Variants in ASPH observed in about 807,000 individuals in gnomAD.
ASPH encodes aspartyl/asparaginyl beta-hydroxylase.
A neutral mutation model predicts 118.4 loss-of-function variants in ASPH; 100 were observed. The ratio of observed to expected loss-of-function variants is 0.84; its 90% CI spans 0.72 to 1.00. The LOEUF (loss-of-function observed/expected upper bound fraction) is 1.00, where lower values mean the gene tolerates loss of function less well. Ranked by LOEUF, ASPH falls within the 50% of genes least tolerant of loss-of-function variation. The pLI, the probability that ASPH is intolerant of heterozygous loss-of-function variation, is 0.00. For missense variants in ASPH, 920 were observed against 919.5 expected (o/e 1.00, Z -0.01); for synonymous variants, 315 against 325.6 (o/e 0.97, Z 0.35).
rs568849946 is a variant in ASPH, at chr8:61,544,661, T to C, written c.1764+3410A>G. ...AAGAAATGCTCAGTAGTAACATTTT[T>C]AAATCCCTGGAGCTTCTAACATATT... On this transcript the variant is annotated intron_variant, in intron 21 of 24. Coordinates refer to ENST00000379454, the MANE Select transcript of ASPH (RefSeq NM_004318.4). 2.6e-5 allele frequency among the ~76,000 whole-genome samples: 4 copies of C among 152,314 alleles called. No homozygotes were observed. In the East Asian group the frequency reaches 7.7e-4, roughly 29 times the overall value.
At chr8:61,613,416 C>T (rs1227359900) in intron 14 of ASPH, among the ~76,000 whole-genome samples, 2 of 152,180 alleles carry the variant, frequency 1.3e-5, no homozygotes, top group Non-Finnish European at 2.9e-5. Context: ...TATATCTATA[C>T]ACATACACCA....
In ASPH at chr8:61,518,958, T is replaced by A. The variant is rs1437576335; in HGVS notation, c.1901-835A>T. On this transcript the variant is annotated intron_variant, in intron 22 of 24. Coordinates refer to ENST00000379454, the MANE Select transcript of ASPH (RefSeq NM_004318.4). ...GACCACTTTTCACCGTGATATGCAA[T>A]TTACCAGAGAGAGGAACTGCTCACA... 2.0e-5 allele frequency among the ~76,000 whole-genome samples: 3 copies of A among 152,314 alleles called. No homozygotes were observed. The East Asian group carries it at 5.8e-4, about 29-fold the overall frequency.
chr8:61,645,219 T>A lies in ASPH; in HGVS notation c.620-587A>T, dbSNP rs956922498. Among the ~76,000 whole-genome samples the A allele has an allele frequency of 3.3e-5, 5 of 152,200 alleles. 1 individual carries two copies. The highest frequency in any genetic ancestry group is 1.2e-4 in the African/African-American group (5 of 41,446). On this transcript the variant is annotated intron_variant, in intron 6 of 24. Transcript: ENST00000379454. The stretch of plus-strand genomic sequence containing the variant: ...CTGAAGACTTTTAACAACCAACTTT[T>A]AAGTTCAAACTGCATCTATGTCCTA...
chr8:61,510,756 TGTTACTATTCAACAACA>T (rs1808533138), intron 24 of ASPH, among the ~76,000 whole-genome samples: 1 of 152,088 alleles, frequency 6.6e-6, no homozygotes, highest in African/African-American at 2.4e-5. Context: ...GAGGAAAAAA[TGTTACTATTCAACAACA>T]AACCTTCAGG....
At chr8:61,631,026 T>C (rs1022285336) in intron 13 of ASPH, among the ~76,000 whole-genome samples, 2 of 152,112 alleles carry the variant, frequency 1.3e-5, no homozygotes, top group African/African-American at 4.8e-5. Flanking sequence ...CAAAAAAGTT[T>C]AAAAAGTTAA....
chr8:61,576,898 A>C (rs375490820), intron 15 of ASPH, 40 bp from the exon 16 acceptor site: 4 of 1,493,922 alleles, frequency 2.7e-6, no homozygotes, highest in East Asian at 2.4e-5. Flanking sequence ...AATAAATTAA[A>C]ATGAATAATC....
chr8:61,613,905 C>T (rs1400927973), intron 14 of ASPH, among the ~76,000 whole-genome samples: 5 of 152,116 alleles, frequency 3.3e-5, no homozygotes, highest in Non-Finnish European at 7.4e-5. Context: ...AATAAGAAAA[C>T]TGAATGACAC....
intron 21 of ASPH, among the ~76,000 whole-genome samples, chr8:61,531,976 A>G (rs1817742298): frequency 6.6e-6 from 1 of 152,212 alleles, no homozygotes; most frequent in African/African-American, 2.4e-5. Context: ...TCTTGACTAT[A>G]GTAAATAATG....
intron 20 of ASPH, 30 bp downstream of exon 20, chr8:61,553,001 G>T: frequency 6.6e-7 from 1 of 1,510,500 alleles, no homozygotes; most frequent in Non-Finnish European, 9.2e-7. Flanking sequence ...TCCTCTGTTA[G>T]AGAGAATCAG....
chr8:61,609,222 G>A lies in ASPH; in HGVS notation c.976+9756C>T, dbSNP rs146360246. On this transcript the variant is annotated intron_variant, in intron 14 of 24. Coordinates refer to ENST00000379454, the MANE Select transcript of ASPH (RefSeq NM_004318.4). Reference sequence around the variant, plus strand: ...GCTTTCTGTGCTATTCCAGTACTTTGAGGATCCAATGCTACCCCTCCACGT... The same window carrying A: ...GCTTTCTGTGCTATTCCAGTACTTTAAGGATCCAATGCTACCCCTCCACGT... Among the ~76,000 whole-genome samples the A allele has an allele frequency of 1.9e-3, 294 of 152,260 alleles. 1 individual carries two copies. Among genetic ancestry groups the A allele is most frequent in the African/African-American group, 6.5e-3 (272 of 41,554 alleles).
At chr8:61,564,179 T>G (rs1021871400) in intron 17 of ASPH, among the ~76,000 whole-genome samples, 1 of 152,122 alleles carries the variant, frequency 6.6e-6, no homozygotes, top group Non-Finnish European at 1.5e-5. Flanking sequence ...AAATCAATAT[T>G]AATGTAAAAC....
At chr8:61,529,369 C>G (rs1816709551) in intron 21 of ASPH, among the ~76,000 whole-genome samples, 1 of 152,190 alleles carries the variant, frequency 6.6e-6, no homozygotes, top group Non-Finnish European at 1.5e-5. Flanking sequence ...AACATGCTCC[C>G]TGGTGAGCGC....
chr8:61,682,188 T>G (rs1214411018), intron 2 of ASPH, among the ~76,000 whole-genome samples: 2 of 151,916 alleles, frequency 1.3e-5, no homozygotes, highest in African/African-American at 4.8e-5. Context: ...TTAAAATGAT[T>G]ATGATGAAAG....
At chr8:61,553,567 C>A (rs1289142411) in intron 19 of ASPH, among the ~76,000 whole-genome samples, 3 of 151,210 alleles carry the variant, frequency 2.0e-5, no homozygotes, top group Non-Finnish European at 4.4e-5. Flanking sequence ...TTATTTCTTT[C>A]CATTCAAAAC....
chr8:61,663,794 T>C, intron 3 of ASPH: 2 of 979,504 alleles, frequency 2.0e-6, no homozygotes, highest in Non-Finnish European at 2.4e-6. Flanking sequence ...TGTATAATTC[T>C]ATTGAGTTGA....
intron 21 of ASPH, among the ~76,000 whole-genome samples, chr8:61,529,938 CTT>C (rs1342289214): frequency 6.6e-6 from 1 of 152,224 alleles, no homozygotes; most frequent in Non-Finnish European, 1.5e-5. Flanking sequence ...AGCCCCACCT[CTT>C]AATACTATCA....
rs539892189 is a variant in ASPH at position 61,713,845 on chromosome 8, T to C, written c.103+424A>G. Among the ~76,000 whole-genome samples, 346 of 152,324 alleles carry C rather than the reference T, an allele frequency of 2.3e-3. 1 individual carries two copies. Among genetic ancestry groups the C allele is most frequent in the African/African-American group, 6.4e-3 (265 of 41,572 alleles). ...CATTTTCACCTCCTTTGAGTTGCTC[T>C]GAAACGCTGCTGGTTAGGCAGGAAC... is the stretch of plus-strand genomic sequence containing the variant. On this transcript the variant is annotated intron_variant, in intron 1 of 24. Transcript: ENST00000379454.
intron 15 of ASPH, among the ~76,000 whole-genome samples, chr8:61,577,810 C>G (rs1032998255): frequency 6.6e-6 from 1 of 152,168 alleles, no homozygotes; most frequent in Non-Finnish European, 1.5e-5. Flanking sequence ...TCACCTTCCA[C>G]CAGGTGTCTC....
chr8:61,505,148 T>C (rs1278396754), intron 24 of ASPH, among the ~76,000 whole-genome samples: 1 of 152,062 alleles, frequency 6.6e-6, no homozygotes, highest in African/African-American at 2.4e-5. Flanking sequence ...GATGGTTTCA[T>C]CAGGGGTTCC....
Sources: gnomAD v4.1 joint callset for allele counts (sites outside exome capture counted in the v4.1 genomes callset) on GRCh38, gnomAD v4.1.1 for gene constraint, MANE v1.5 for transcripts, NCBI Gene and HGNC (gene_info 2026-07-23, HGNC 2026-07-21) for gene names.